PIAS2: variants seen among roughly 807,000 people sequenced by gnomAD.
PIAS2 encodes the protein E3 SUMO-protein ligase PIAS2.
PIAS2 carries 19 observed loss-of-function variants against 69.7 expected under a neutral mutation model. The observed-to-expected ratio is 0.27, with a 90% CI of 0.19 to 0.40. The LOEUF is 0.40. Among genes scored for constraint, PIAS2 ranks in the 10% least tolerant of loss-of-function variants. PIAS2 has a pLI of 1.00. For missense variants in PIAS2, 624 were observed against 757.0 expected (o/e 0.82, Z 2.06); for synonymous variants, 261 against 263.2 (o/e 0.99, Z 0.08).
At chr18:46,869,182 G>C (rs1344762283) in intron 2 of PIAS2, among the ~76,000 whole-genome samples, 1 of 152,222 alleles carries the variant, frequency 6.6e-6, no homozygotes, top group Non-Finnish European at 1.5e-5. Flanking sequence ...CCGATGCTAA[G>C]AGGGACTTAA....
intron 9 of PIAS2, among the ~76,000 whole-genome samples, chr18:46,832,628 T>C (rs1007327570): frequency 1.3e-5 from 2 of 152,016 alleles, no homozygotes; most frequent in Non-Finnish European, 2.9e-5. Context: ...TGGTGACTCA[T>C]GCCTGTAATC....
intron 8 of PIAS2, among the ~76,000 whole-genome samples, chr18:46,842,277 CA>C (rs56665149): frequency 0.2 from 19,848 of 98,384 alleles, 1,317 homozygotes; most frequent in African/African-American, 0.25. Flanking sequence ...GTTATGAATG[CA>C]AAAAAAAAAA....
At chr18:46,852,282 C>A (rs115659546) in intron 5 of PIAS2, among the ~76,000 whole-genome samples, 3 of 152,158 alleles carry the variant, frequency 2.0e-5, no homozygotes, top group Non-Finnish European at 2.9e-5. Flanking sequence ...TAGGACTTTA[C>A]GGAGCTAGGG....
chr18:46,868,059 A>C (rs1248248555), intron 2 of PIAS2, among the ~76,000 whole-genome samples: 1 of 152,178 alleles, frequency 6.6e-6, no homozygotes, highest in Non-Finnish European at 1.5e-5. Flanking sequence ...AGATGCCTCC[A>C]AGTGATCTGA....
chr18:46,847,487 T>A (rs1316594677), intron 5 of PIAS2, among the ~76,000 whole-genome samples: 6 of 151,658 alleles, frequency 4.0e-5, no homozygotes, highest in African/African-American at 1.5e-4. Context: ...ACCGTATTTT[T>A]TTTTTTTTTT....
intron 8 of PIAS2, among the ~76,000 whole-genome samples, chr18:46,837,196 C>A (rs2044569446): frequency 6.6e-6 from 1 of 152,068 alleles, no homozygotes; most frequent in Non-Finnish European, 1.5e-5. Flanking sequence ...CACTATCTTC[C>A]ACAAAAAGTA....
At chr18:46,894,593 C>T (rs965631058) in intron 1 of PIAS2, among the ~76,000 whole-genome samples, 3 of 152,050 alleles carry the variant, frequency 2.0e-5, no homozygotes, top group African/African-American at 4.8e-5. Context: ...TAAAAAGATA[C>T]GTAATCTAAA....
chr18:46,904,060 C>T (rs904538255), intron 1 of PIAS2: 8 of 152,078 alleles, frequency 5.3e-5, no homozygotes, highest in Non-Finnish European at 1.0e-4. Flanking sequence ...AGTGAGGGAA[C>T]TGGATGAGAC....
chr18:46,896,976 T>TG (rs2054987989), intron 1 of PIAS2, among the ~76,000 whole-genome samples: 2 of 152,106 alleles, frequency 1.3e-5, no homozygotes, highest in African/African-American at 2.4e-5. Context: ...GGGAAGTAGG[T>TG]GGGGACATAT....
At chr18:46,910,199 A>T (rs2057103363) in intron 1 of PIAS2, among the ~76,000 whole-genome samples, 1 of 152,208 alleles carries the variant, frequency 6.6e-6, no homozygotes, top group African/African-American at 2.4e-5. Flanking sequence ...ATATGTATAT[A>T]TGTTAAAAGT....
intron 11 of PIAS2, among the ~76,000 whole-genome samples, chr18:46,825,472 A>T (rs2042726069): frequency 6.6e-6 from 1 of 152,198 alleles, no homozygotes. Flanking sequence ...AAGAACTACA[A>T]GGTGGGTATC....
At position 46,912,229 on chromosome 18, in the gene PIAS2, C is replaced by T. The variant is rs529599632; in HGVS notation, c.24+5093G>A. Among the ~76,000 whole-genome samples the T allele has an allele frequency of 1.6e-4, 24 of 152,196 alleles. 1 individual carries two copies. The South Asian group carries it at 5.0e-3, about 32-fold the overall frequency. On this transcript the variant is annotated intron_variant, in intron 1 of 13. Transcript: ENST00000585916. ...TCCGTAGGGGGCTGGTACCAGGGTC[C>T]CCTGCAGATACCAAAATCCAAGAAT...
At chr18:46,818,585 C>CT (rs2041822676) in intron 12 of PIAS2, 1 of 705,824 alleles carries the variant, frequency 1.4e-6, no homozygotes, top group Non-Finnish European at 2.0e-6. Context: ...TACCAAAACT[C>CT]TTCACAGTAT....
intron 1 of PIAS2, chr18:46,916,716 A>C (rs1029083501): frequency 3.4e-6 from 2 of 595,542 alleles, no homozygotes; most frequent in African/African-American, 2.0e-5. Context: ...TAAAACACTA[A>C]GAAAATATCG....
intron 12 of PIAS2, chr18:46,817,024 CTAT>C (rs1450066265): frequency 1.4e-5 from 13 of 936,756 alleles, no homozygotes; most frequent in Non-Finnish European, 1.7e-5. Flanking sequence ...TTCAATATTT[CTAT>C]TATTAAGTAA....
intron 2 of PIAS2, among the ~76,000 whole-genome samples, chr18:46,875,121 A>G (rs1430995591): frequency 6.6e-6 from 1 of 152,108 alleles, no homozygotes; most frequent in Non-Finnish European, 1.5e-5. Flanking sequence ...CCATCCCTTA[A>G]CCCTTCAGTT....
intron 5 of PIAS2, among the ~76,000 whole-genome samples, chr18:46,852,121 T>G (rs2047059240): frequency 6.6e-6 from 1 of 152,250 alleles, no homozygotes; most frequent in African/African-American, 2.4e-5. Flanking sequence ...GGCTGCAGCA[T>G]ACTCACGTAA....
rs186016335 is a variant in PIAS2, at chr18:46,911,966, G to A, written c.24+5356C>T. On this transcript the variant is annotated intron_variant, in intron 1 of 13. Coordinates refer to ENST00000585916, the MANE Select transcript of PIAS2 (RefSeq NM_004671.5). The stretch of plus-strand genomic sequence containing the variant: ...ATCGCGAGGCTGAGGCAGGAGAATC[G>A]CTTGAACCCAGGAGGCGGAGGTTGC... Among the ~76,000 whole-genome samples the A allele has an allele frequency of 2.1e-3, 322 of 152,216 alleles. 2 individuals are homozygous for A. Among genetic ancestry groups the A allele is most frequent in the African/African-American group, 7.3e-3 (305 of 41,532 alleles).
chr18:46,905,932 G>A (rs1481882461), intron 1 of PIAS2: 1 of 151,946 alleles, frequency 6.6e-6, no homozygotes, highest in Non-Finnish European at 1.5e-5. Flanking sequence ...CTCATTATGA[G>A]AGACAAAAAT....
Sources: gnomAD v4.1 joint callset for allele counts (sites outside exome capture counted in the v4.1 genomes callset) on GRCh38, gnomAD v4.1.1 for gene constraint, MANE v1.5 for transcripts, NCBI Gene and HGNC (gene_info 2026-07-23, HGNC 2026-07-21) for gene names.